The following FBXL14 variants were observed in gnomAD, a reference collection of about 807,000 sequenced individuals.
FBXL14 encodes the protein F-box/LRR-repeat protein 14.
In FBXL14, 11 loss-of-function variants were observed where a neutral mutation model predicts 24.5. The observed-to-expected ratio is 0.45, with a 90% CI of 0.28 to 0.74. The LOEUF (loss-of-function observed/expected upper bound fraction) is 0.74. FBXL14 is among the 30% of genes least tolerant of loss of function. FBXL14 has a pLI of 0.12. For synonymous variants in FBXL14, 294 were observed against 240.4 expected, an observed-to-expected ratio of 1.22 and a Z score of -2.06; for missense variants, 384 against 545.6, an observed-to-expected ratio of 0.70 and a Z score of 2.95.
At position 1,593,549 on chromosome 12, in the gene FBXL14, C is replaced by T; in HGVS notation, c.518G>A (p.Ser173Asn). The part of the protein sequence containing the change: ...LIAWGLQRLK[S>N]LNLRSCRHLS... Reference sequence around the variant, plus strand: ...GTGGCGGCAGCTGCGGAGGTTAAGGCTCTTGAGGCGCTGCAGACCCCAGGC... The same window carrying T: ...GTGGCGGCAGCTGCGGAGGTTAAGGTTCTTGAGGCGCTGCAGACCCCAGGC... Residue 173 changes from serine (S) to asparagine (N), a missense_variant, in exon 1 of 2, where the codon AGC becomes AAC. Physicochemically the swap from Ser to Asn is conservative, Grantham distance 46. Coordinates refer to ENST00000339235, the MANE Select transcript of FBXL14 (RefSeq NM_152441.3). The surrounding 1 kb of genome is among the most constrained non-coding windows in gnomAD (Gnocchi z 7.4). 2 of 1,614,078 alleles carry T rather than the reference C, an allele frequency of 1.2e-6. No homozygotes were observed. The highest frequency in any genetic ancestry group is 1.6e-4 in the Middle Eastern group (1 of 6,062).
At chr12:1,566,944 C>T (rs1451767669) in intron 1 of FBXL14, 134 bp from the exon 2 acceptor site, 5 of 619,954 alleles carry the variant, frequency 8.1e-6, no homozygotes, top group African/African-American at 1.8e-5. Flanking sequence ...GAAACTCCCA[C>T]GCCAGCCCAC....
At position 1,594,512 on chromosome 12, in the gene FBXL14, C is replaced by G. The variant is rs931656694; in HGVS notation, c.-446G>C. Among the ~76,000 whole-genome samples, 2 of 147,200 alleles carry G rather than the reference C, an allele frequency of 1.4e-5. No individual in the cohort carries two copies. Among genetic ancestry groups the G allele is most frequent in the Non-Finnish European group, 3.0e-5 (2 of 66,092 alleles). Reference sequence around the variant, plus strand: ...GGGCCGGCGGGCGGCGAGGGGGCCCCGGGGGCCGGGCGCACGGGCTCCGGG... The same window carrying G: ...GGGCCGGCGGGCGGCGAGGGGGCCCGGGGGGCCGGGCGCACGGGCTCCGGG... On this transcript the variant is annotated 5_prime_UTR_variant, in exon 1 of 2. Coordinates refer to ENST00000339235, the MANE Select transcript of FBXL14 (RefSeq NM_152441.3).
In FBXL14 at chr12:1,593,978, T is replaced by A; in HGVS notation, c.89A>T (p.Gln30Leu). 1 of 1,585,632 alleles carries A rather than the reference T, an allele frequency of 6.3e-7. No homozygotes were observed. Among genetic ancestry groups the A allele is most frequent in the South Asian group, 1.1e-5 (1 of 89,406 alleles). The change falls in exon 1 of 2, where the codon CAG becomes CTG. Residue 30 changes from glutamine to leucine, a missense_variant. Gln to Leu is a moderately radical substitution (Grantham distance 113, BLOSUM62 -2). Coordinates refer to ENST00000339235, the MANE Select transcript of FBXL14 (RefSeq NM_152441.3). This position sits in a 1 kb window ranked among gnomAD's most constrained non-coding sequence, Gnocchi z 7.4. ...LDVRDKGRAAQVCTAWRDAAY... is the reference protein window; with the variant it reads ...LDVRDKGRAALVCTAWRDAAY... ...GGCGTCCCGCCAGGCGGTGCACACC[T>A]GCGCCGCGCGCCCCTTGTCCCGGAC... is the stretch of plus-strand genomic sequence containing the variant.
At chr12:1,566,960 C>T (rs1247829133) in intron 1 of FBXL14, 150 bp from the exon 2 acceptor site, 4 of 607,252 alleles carry the variant, frequency 6.6e-6, no homozygotes, top group African/African-American at 1.8e-5. Flanking sequence ...CCCACTCTAG[C>T]CATCTCCCGG....
rs566036559 is a variant in FBXL14, at chr12:1,579,728, T to C, written c.1195-12918A>G. 2.0e-5 allele frequency among the ~76,000 whole-genome samples: 3 copies of C among 152,356 alleles called. No homozygotes were observed. Among genetic ancestry groups the C allele is most frequent in the Admixed American group, 1.3e-4 (2 of 15,306 alleles). On this transcript the variant is annotated intron_variant, in intron 1 of 1. Coordinates refer to ENST00000339235, the MANE Select transcript of FBXL14 (RefSeq NM_152441.3). The surrounding 1 kb of genome is among the most constrained non-coding windows in gnomAD (Gnocchi z 4.3). ...GGCTGGTATTTAGTTTGCTGACTTT[T>C]AACTCTCAGAGCTGAACAGTCTAAT...
chr12:1,583,129 AAATT>A (rs1402871231), intron 1 of FBXL14, among the ~76,000 whole-genome samples: 2 of 150,346 alleles, frequency 1.3e-5, no homozygotes, highest in African/African-American at 5.0e-5. Context: ...AAATTAAAAA[AAATT>A]AAAAAAAAGA....
intron 1 of FBXL14, among the ~76,000 whole-genome samples, chr12:1,592,006 T>C (rs1465004678): frequency 6.6e-6 from 1 of 151,942 alleles, no homozygotes; most frequent in Non-Finnish European, 1.5e-5. Context: ...ATAGCCAGAA[T>C]GTGGAAGTGG....
At position 1,567,488 on chromosome 12, in the gene FBXL14, C is replaced by T. The variant is rs1270308665; in HGVS notation, c.1195-678G>A. 6.6e-6 allele frequency among the ~76,000 whole-genome samples: 1 copy of T among 151,736 alleles called. No homozygotes were observed. Among genetic ancestry groups the T allele is most frequent in the African/African-American group, 2.4e-5 (1 of 41,234 alleles). The stretch of plus-strand genomic sequence containing the variant: ...CCTGGGCGACAGAGTGGTACTCTGT[C>T]TCAAAAATAATAATAATAATAAAAT... On this transcript the variant is annotated intron_variant, in intron 1 of 1. Coordinates refer to ENST00000339235, the MANE Select transcript of FBXL14 (RefSeq NM_152441.3). This position sits in a 1 kb window ranked among gnomAD's most constrained non-coding sequence, Gnocchi z 4.8.
chr12:1,573,573 A>AG (rs2094449214), intron 1 of FBXL14, among the ~76,000 whole-genome samples: 1 of 152,204 alleles, frequency 6.6e-6, no homozygotes, highest in Admixed American at 6.5e-5. Context: ...CAGGCAGCTG[A>AG]GGGGCACAGA....
At chr12:1,568,380 C>T (rs545542712) in intron 1 of FBXL14, among the ~76,000 whole-genome samples, 6 of 152,214 alleles carry the variant, frequency 3.9e-5, no homozygotes, top group Non-Finnish European at 8.8e-5. Context: ...AATTTGTTGC[C>T]AGTAGATCTG....
At position 1,594,143 on chromosome 12, in the gene FBXL14, A is replaced by T; in HGVS notation, c.-77T>A. 8.4e-7 allele frequency: 1 copy of T among 1,185,028 alleles called. No individual in the cohort carries two copies. The highest frequency in any genetic ancestry group is 1.1e-6 in the Non-Finnish European group (1 of 946,392). 73.4% of individuals were successfully genotyped at this position (1,185,028 alleles called of 1,614,324 possible). A position where few individuals can be genotyped will look rare whatever the true frequency, so the allele number is the denominator to read the frequency against. The stretch of plus-strand genomic sequence containing the variant: ...GCTCCGGCCTCGGGCAGGCGACGAG[A>T]GCGCTTCTCCCCAGCCGCCGCCGCC... On this transcript the variant is annotated 5_prime_UTR_variant, in exon 1 of 2. Transcript: ENST00000339235.
Position 1,567,493 on chromosome 12 carries a change from AAAT to A in FBXL14, c.1195-686_1195-684del, listed in dbSNP as rs374403346. ...GCGACAGAGTGGTACTCTGTCTCAA[AAAT>A]AATAATAATAATAAAATGAAATAAG... is the stretch of plus-strand genomic sequence containing the variant. On this transcript the variant is annotated intron_variant, in intron 1 of 1. Coordinates refer to ENST00000339235, the MANE Select transcript of FBXL14 (RefSeq NM_152441.3). This position sits in a 1 kb window ranked among gnomAD's most constrained non-coding sequence, Gnocchi z 4.8. Among the ~76,000 whole-genome samples, 5 of 152,102 alleles carry A rather than the reference AAAT, an allele frequency of 3.3e-5. No homozygotes were observed. The East Asian group carries it at 5.8e-4, about 18-fold the overall frequency.
intron 1 of FBXL14, among the ~76,000 whole-genome samples, chr12:1,583,712 C>T (rs1345497277): frequency 6.6e-6 from 1 of 152,188 alleles, no homozygotes; most frequent in Non-Finnish European, 1.5e-5. Context: ...GTGGATTTCT[C>T]CACTTTCTGT....
At chr12:1,592,804 G>C (rs2094493628) in intron 1 of FBXL14, 69 bp downstream of exon 1, 1 of 1,302,318 alleles carries the variant, frequency 7.7e-7, no homozygotes, top group East Asian at 2.4e-5. Context: ...GTGAGTGTGT[G>C]GGGGCGGTGG....
intron 1 of FBXL14, among the ~76,000 whole-genome samples, chr12:1,588,052 G>A (rs1328404155): frequency 2.0e-5 from 3 of 152,182 alleles, no homozygotes; most frequent in African/African-American, 4.8e-5. Context: ...CCTTTCTACC[G>A]CAGAACACAG....
At chr12:1,580,993 CA>C (rs1450088650) in intron 1 of FBXL14, among the ~76,000 whole-genome samples, 1 of 152,066 alleles carries the variant, frequency 6.6e-6, no homozygotes, top group African/African-American at 2.4e-5. Context: ...GAAGGCAGCC[CA>C]AATCAGGAAG....
At chr12:1,589,607 GTTTCA>G (rs1237794023) in intron 1 of FBXL14, among the ~76,000 whole-genome samples, 14 of 152,266 alleles carry the variant, frequency 9.2e-5, no homozygotes, top group African/African-American at 3.1e-4. Context: ...GATAATACCT[GTTTCA>G]GCAGGTTGCT....
At chr12:1,573,260 C>G (rs897296256) in intron 1 of FBXL14, among the ~76,000 whole-genome samples, 6 of 152,180 alleles carry the variant, frequency 3.9e-5, no homozygotes, top group Non-Finnish European at 7.3e-5. Flanking sequence ...GGGAGGCATT[C>G]TCTGACCCCT....
chr12:1,593,654 A>C lies in FBXL14; in HGVS notation c.413T>G (p.Ile138Arg). 1 of 1,614,152 alleles carries C rather than the reference A, an allele frequency of 6.2e-7. No homozygotes were observed. The highest frequency in any genetic ancestry group is 8.5e-7 in the Non-Finnish European group (1 of 1,180,024). ...KQITDSSLGR[I>R]AQYLKGLEVL... Reference sequence around the variant, plus strand: ...CTCCAGGCCCTTGAGGTACTGGGCTATGCGGCCCAGGCTGCTGTCAGTGAT... The same window carrying C: ...CTCCAGGCCCTTGAGGTACTGGGCTCTGCGGCCCAGGCTGCTGTCAGTGAT... Residue 138 changes from isoleucine (I) to arginine (R), a missense_variant, in exon 1 of 2, where the codon ATA (isoleucine) becomes AGA (arginine). Transcript: ENST00000339235. This position sits in a 1 kb window ranked among gnomAD's most constrained non-coding sequence, Gnocchi z 7.4.
Sources: gnomAD v4.1 joint callset for allele counts (sites outside exome capture counted in the v4.1 genomes callset) on GRCh38, gnomAD v4.1.1 for gene constraint, Gnocchi (gnomAD v3.1) non-coding constraint, MANE v1.5 for transcripts, NCBI Gene and HGNC (gene_info 2026-07-23, HGNC 2026-07-21) for gene names.